DMD: variants seen among roughly 807,000 people sequenced by gnomAD.
DMD encodes the protein mutant dystrophin.
Under a neutral mutation model 330.1 loss-of-function variants are expected in DMD, and 63 were observed. That is an observed-to-expected ratio of 0.19 (90% CI 0.16 to 0.24). DMD has a LOEUF of 0.24. Ranked by LOEUF, DMD falls within the 10% of genes least tolerant of loss-of-function variation. The probability of loss-of-function intolerance (pLI) is 1.00; values close to 1 mark genes in which losing one functional copy is unlikely to be tolerated. For synonymous variants in DMD, 1,223 were observed against 959.8 expected (o/e 1.27, Z -5.07); for missense variants, 3,344 against 2,684.1 (o/e 1.25, Z -5.43).
At chrX:32,876,138 G>A (rs913076659) in intron 2 of DMD, among the ~76,000 whole-genome samples, 5 of 111,213 alleles carry the variant, frequency 4.5e-5, no homozygotes, top group African/African-American at 1.6e-4. Context: ...CCCCATCATA[G>A]TTTTGCTTAT....
intron 60 of DMD, among the ~76,000 whole-genome samples, chrX:31,443,525 G>C (rs1291064168): frequency 9.1e-6 from 1 of 109,708 alleles, no homozygotes; most frequent in Non-Finnish European, 1.9e-5. Flanking sequence ...AACTGATATT[G>C]CAGAGAATTT....
Position 32,821,510 on chromosome X carries a change from T to C in DMD, c.357+1785A>G, listed in dbSNP as rs930212017. ...GGCTGAGGCAGGAGAATGGCGTGAA[T>C]CCGGGAGGCGGAGCTTGCAGTGAGC... On this transcript the variant is annotated intron_variant, in intron 5 of 78. Coordinates refer to ENST00000357033, the MANE Select transcript of DMD (RefSeq NM_004006.3). 2.3e-3 allele frequency among the ~76,000 whole-genome samples: 247 copies of C among 107,802 alleles called. 2 individuals are homozygous for C. Among genetic ancestry groups the C allele is most frequent in the African/African-American group, 7.8e-3 (229 of 29,531 alleles). 93.6% of individuals were successfully genotyped at this position (107,802 alleles called of 115,157 possible).
At chrX:32,515,025 T>C (rs2045718003) in intron 18 of DMD, among the ~76,000 whole-genome samples, 1 of 112,331 alleles carries the variant, frequency 8.9e-6, no homozygotes, top group Non-Finnish European at 1.9e-5. Flanking sequence ...TATTTTTACA[T>C]GAAGAGAGCA....
chrX:32,621,485 C>CT (rs200710203), intron 11 of DMD, among the ~76,000 whole-genome samples: 87 of 101,623 alleles, frequency 8.6e-4, no homozygotes, highest in Non-Finnish European at 8.9e-4. Flanking sequence ...GTTTTATCTT[C>CT]TTTTTTTTTT....
chrX:33,323,568 CTTCTT>C (rs771744441), intron 1 of DMD, among the ~76,000 whole-genome samples: 2 of 111,494 alleles, frequency 1.8e-5, no homozygotes, highest in African/African-American at 6.5e-5. Flanking sequence ...ACCTTCAATT[CTTCTT>C]TTCTTTGCTG....
At chrX:33,233,922 G>T (rs1284485414) in intron 1 of DMD, among the ~76,000 whole-genome samples, 1 of 112,152 alleles carries the variant, frequency 8.9e-6, no homozygotes, top group African/African-American at 3.2e-5. Context: ...AGCCACACAG[G>T]ATATTTCACA....
intron 67 of DMD, among the ~76,000 whole-genome samples, chrX:31,196,854 A>G (rs2042953154): frequency 1.1e-5 from 1 of 88,226 alleles, no homozygotes; most frequent in Non-Finnish European, 2.3e-5. Context: ...AAAAAAAAAA[A>G]AAAAAAAAAA....
chrX:32,177,391 G>T (rs191428479), intron 44 of DMD, among the ~76,000 whole-genome samples: 2 of 111,671 alleles, frequency 1.8e-5, no homozygotes, highest in East Asian at 5.7e-4. Context: ...TTGGTCTCTT[G>T]AACATCTTTC....
intron 16 of DMD, among the ~76,000 whole-genome samples, chrX:32,560,394 C>T (rs1045252678): frequency 9.0e-6 from 1 of 111,134 alleles, no homozygotes; most frequent in Non-Finnish European, 1.9e-5. Context: ...CTTCAAATCA[C>T]ATACATTATA....
intron 44 of DMD, among the ~76,000 whole-genome samples, chrX:32,144,501 T>C (rs1423884750): frequency 8.9e-6 from 1 of 111,906 alleles, no homozygotes; most frequent in Non-Finnish European, 1.9e-5. Flanking sequence ...TTTATATTAA[T>C]AGCACTTTAA....
At chrX:32,121,652 TA>T (rs2096636510) in intron 44 of DMD, among the ~76,000 whole-genome samples, 1 of 86,796 alleles carries the variant, frequency 1.2e-5, no homozygotes, top group African/African-American at 4.3e-5. Context: ...TATATATATA[TA>T]TATATATATA....
rs189517053 is a variant in DMD, at chrX:31,999,279, G to A, written c.6439-30765C>T. Among the ~76,000 whole-genome samples, 136 of 111,749 alleles carry A rather than the reference G, an allele frequency of 1.2e-3. 1 individual carries two copies. The highest frequency in any genetic ancestry group is 2.1e-3 in the Non-Finnish European group (111 of 52,926). On this transcript the variant is annotated intron_variant, in intron 44 of 78. Transcript: ENST00000357033. ...AGCTCTTAAGGGTGTTTCCTTACCT[G>A]TACCCAACGTACAGTTGAAAATTGT... is the stretch of plus-strand genomic sequence containing the variant.
chrX:32,983,834 A>G (rs985702263), intron 2 of DMD, among the ~76,000 whole-genome samples: 1 of 110,708 alleles, frequency 9.0e-6, no homozygotes, highest in Non-Finnish European at 1.9e-5. Context: ...TATTGATTTT[A>G]TTCACTATAT....
chrX:31,191,185 ATGTGTATGTGTG>A (rs1044303044), intron 67 of DMD, among the ~76,000 whole-genome samples: 2 of 95,529 alleles, frequency 2.1e-5, no homozygotes, highest in African/African-American at 4.1e-5. Flanking sequence ...TGCTAGTACA[ATGTGTATGTGTG>A]TGTGTGTGTG....
At chrX:32,667,182 TCTAGAA>T (rs1424305374) in intron 9 of DMD, among the ~76,000 whole-genome samples, 3 of 111,400 alleles carry the variant, frequency 2.7e-5, no homozygotes, top group African/African-American at 9.8e-5. Context: ...ATCAATGAGC[TCTAGAA>T]CTCCTCATGC....
intron 2 of DMD, among the ~76,000 whole-genome samples, chrX:32,980,880 T>C (rs866626354): frequency 8.9e-6 from 1 of 111,824 alleles, no homozygotes; most frequent in Non-Finnish European, 1.9e-5. Context: ...CTTCTTATTA[T>C]GTATGTTTGC....
intron 63 of DMD, among the ~76,000 whole-genome samples, chrX:31,253,002 T>A (rs911820916): frequency 9.0e-6 from 1 of 110,909 alleles, no homozygotes. Flanking sequence ...AAAAAAAAAA[T>A]TAAATTAATA....
chrX:32,440,132 T>C (rs896040354), intron 28 of DMD, among the ~76,000 whole-genome samples: 2 of 111,668 alleles, frequency 1.8e-5, no homozygotes, highest in African/African-American at 3.2e-5. Context: ...TCTTCTGTTC[T>C]GGCCACTGTC....
chrX:33,290,158 A>G (rs2053491742), intron 1 of DMD, among the ~76,000 whole-genome samples: 1 of 111,502 alleles, frequency 9.0e-6, no homozygotes, highest in Admixed American at 9.6e-5. Flanking sequence ...ATCAAGCTTC[A>G]AGACACGTAG....
Sources: allele counts gnomAD v4.1 joint callset (sites outside exome capture counted in the v4.1 genomes callset), GRCh38; gene constraint gnomAD v4.1.1; transcripts MANE v1.5; gene names NCBI Gene and HGNC (gene_info 2026-07-23, HGNC 2026-07-21).